Variants in MTFR1L observed in about 807,000 individuals in gnomAD.
MTFR1L encodes the protein mitochondrial fission regulator 1-like.
In MTFR1L, 10 loss-of-function variants were observed where a neutral mutation model predicts 27.9. That is an observed-to-expected ratio of 0.36 (90% CI 0.22 to 0.61). The LOEUF (loss-of-function observed/expected upper bound fraction) is 0.61. MTFR1L is among the 20% of genes least tolerant of loss of function. The pLI is 0.73. For synonymous variants in MTFR1L, 151 were observed against 139.4 expected (o/e 1.08, Z -0.58); for missense variants, 315 against 363.7 (o/e 0.87, Z 1.09).
At position 25,823,754 on chromosome 1, in the gene MTFR1L, T is replaced by A; in HGVS notation, c.129+6T>A. The A allele has an allele frequency of 6.2e-7, 1 of 1,613,128 alleles. No homozygotes were observed. Among genetic ancestry groups the A allele is most frequent in the East Asian group, 2.2e-5 (1 of 44,854 alleles). ...GTGCCCGGGCGTCCTTTGAGGTGAGTATGTTGGAAGGGCAGGAGAGTAGAG... is the reference window on the plus strand; with the variant it reads ...GTGCCCGGGCGTCCTTTGAGGTGAGAATGTTGGAAGGGCAGGAGAGTAGAG... On this transcript the variant is annotated splice_donor_region_variant and intron_variant, in intron 3 of 6. Transcript: ENST00000374303.
At chr1:25,828,937 G>A (rs1011164955) in intron 5 of MTFR1L, among the ~76,000 whole-genome samples, 9 of 152,120 alleles carry the variant, frequency 5.9e-5, no homozygotes, top group Non-Finnish European at 1.0e-4. Flanking sequence ...CAAGAGACAA[G>A]CAGAAGTAAC....
In MTFR1L at chr1:25,831,924, C is replaced by A; in HGVS notation, c.777C>A (p.Asn259Lys). The A allele has an allele frequency of 6.2e-7, 1 of 1,613,754 alleles. No homozygotes were observed. Among genetic ancestry groups the A allele is most frequent in the Non-Finnish European group, 8.5e-7 (1 of 1,179,710 alleles). ...FHRMKQSQDLNRSLLKEEDPA... is the reference protein window; with the variant it reads ...FHRMKQSQDLKRSLLKEEDPA... ...CAAGCTATTATTGTGTCTCTAGGAACCGGAGTTTATTGAAGGAGGAAGACC... is the reference window on the plus strand; with the variant it reads ...CAAGCTATTATTGTGTCTCTAGGAAACGGAGTTTATTGAAGGAGGAAGACC... Residue 259 changes from asparagine to lysine, a missense_variant, in exon 7 of 7, where the codon AAC (asparagine) becomes AAA (lysine). Coordinates refer to ENST00000374303, the MANE Select transcript of MTFR1L (RefSeq NM_001099625.2).
At chr1:25,829,214 C>G (rs1462001123) in intron 5 of MTFR1L, among the ~76,000 whole-genome samples, 1 of 152,200 alleles carries the variant, frequency 6.6e-6, no homozygotes, top group Non-Finnish European at 1.5e-5. Flanking sequence ...AGGGCTGTCA[C>G]TCCACAGCCT....
At chr1:25,831,523 C>T (rs927082943) in intron 6 of MTFR1L, among the ~76,000 whole-genome samples, 17 of 152,354 alleles carry the variant, frequency 1.1e-4, no homozygotes, top group Non-Finnish European at 2.1e-4. Context: ...TCAGTCACTT[C>T]CCCTGCTGAC....
At chr1:25,821,931 A>G (rs2048098736) in intron 1 of MTFR1L, 1 of 152,240 alleles carries the variant, frequency 6.6e-6, no homozygotes, top group African/African-American at 2.4e-5. Context: ...CATAGCCCCT[A>G]CGGTGCCCAG....
intron 1 of MTFR1L, 124 bp from the exon 2 acceptor site, chr1:25,822,895 G>A (rs145195575): frequency 1.4e-6 from 1 of 730,114 alleles, no homozygotes; most frequent in Non-Finnish European, 2.3e-6. Flanking sequence ...AGCCTCTTGG[G>A]CTGGTTTTCT....
At chr1:25,823,619 A>G (rs868752709) in intron 2 of MTFR1L, 25 bp from the exon 3 acceptor site, 10 of 1,611,070 alleles carry the variant, frequency 6.2e-6, no homozygotes, top group Non-Finnish European at 8.5e-6. Context: ...CTGGGGTTGT[A>G]GCTGTCTCCG....
chr1:25,829,384 C>A, intron 5 of MTFR1L, 125 bp from the exon 6 acceptor site: 2 of 851,264 alleles, frequency 2.3e-6, no homozygotes, highest in Non-Finnish European at 3.7e-6. Flanking sequence ...ACCATCCTGG[C>A]TCTCCCAGAT....
rs1191747505 is a variant in MTFR1L at position 25,823,404 on chromosome 1, T to C, written c.25-240T>C. 3 of 735,126 alleles carry C rather than the reference T, an allele frequency of 4.1e-6. No homozygotes were observed. In the Admixed American group the frequency reaches 6.0e-5, roughly 15 times the overall value. The allele number at this position is 735,126 out of a possible 1,614,324, so 45.5% of individuals were successfully genotyped here. ...CTCAGCTACTTCCTCTCCCCTTCCC[T>C]GACCCTCCCAACATTGACTGCCTTA... is the stretch of plus-strand genomic sequence containing the variant. On this transcript the variant is annotated intron_variant, in intron 2 of 6. Transcript: ENST00000374303.
chr1:25,826,534 C>T lies in MTFR1L; in HGVS notation c.240-81C>T. 1 of 1,585,600 alleles carries T rather than the reference C, an allele frequency of 6.3e-7. No individual in the cohort carries two copies. The highest frequency in any genetic ancestry group is 1.1e-5 in the South Asian group (1 of 89,958). On this transcript the variant is annotated intron_variant, in intron 4 of 6. Coordinates refer to ENST00000374303, the MANE Select transcript of MTFR1L (RefSeq NM_001099625.2). The surrounding 1 kb of genome is among the most constrained non-coding windows in gnomAD (Gnocchi z 4.1). Reference sequence around the variant, plus strand: ...AGGAGCAGAACCTTACTATACTACTCTCACAGAAGTGGGGGAAGGAACCTT... The same window carrying T: ...AGGAGCAGAACCTTACTATACTACTTTCACAGAAGTGGGGGAAGGAACCTT...
chr1:25,824,338 AC>A (rs2048140161), intron 3 of MTFR1L, among the ~76,000 whole-genome samples: 1 of 151,814 alleles, frequency 6.6e-6, no homozygotes, highest in African/African-American at 2.4e-5. Context: ...GTCTCTTGAG[AC>A]CCCTTCTGTG....
chr1:25,829,040 T>TG (rs1415580571), intron 5 of MTFR1L, among the ~76,000 whole-genome samples: 2 of 152,186 alleles, frequency 1.3e-5, no homozygotes, highest in Non-Finnish European at 1.5e-5. Flanking sequence ...CACTGAAATT[T>TG]GGGGAGGTTG....
At chr1:25,829,962 T>C in intron 6 of MTFR1L, 132 bp downstream of exon 6, 3 of 969,654 alleles carry the variant, frequency 3.1e-6, no homozygotes, top group Non-Finnish European at 4.4e-6. Context: ...GCTTGCTGAC[T>C]ACCTGCTTGC....
chr1:25,822,253 T>G (rs2048103349), intron 1 of MTFR1L: 1 of 152,290 alleles, frequency 6.6e-6, no homozygotes, highest in Non-Finnish European at 1.5e-5. Context: ...TAAACTTTTT[T>G]GGCTCTTTTT....
rs2048143695 is a variant in MTFR1L, at chr1:25,824,533, C to A, written c.129+785C>A. On this transcript the variant is annotated intron_variant, in intron 3 of 6. Transcript: ENST00000374303. ...ATATGTGCATGAAAGGATGTGGGCC[C>A]AGGTAGAAACAGAAATGAAGGAGCC... 2.0e-5 allele frequency among the ~76,000 whole-genome samples: 3 copies of A among 152,042 alleles called. No individual in the cohort carries two copies. The South Asian group carries it at 6.2e-4, about 32-fold the overall frequency.
intron 5 of MTFR1L, among the ~76,000 whole-genome samples, chr1:25,827,900 T>C (rs1389818982): frequency 6.6e-6 from 1 of 152,074 alleles, no homozygotes; most frequent in East Asian, 1.9e-4. Context: ...TAATTTTTTG[T>C]ATTTTTAGTA....
At chr1:25,820,554 CA>C (rs1457489752) in intron 1 of MTFR1L, 1 of 360,332 alleles carries the variant, frequency 2.8e-6, no homozygotes. Flanking sequence ...CCCCCGGGAC[CA>C]GGGGTGCTGA....
intron 5 of MTFR1L, 25 bp from the exon 6 acceptor site, chr1:25,829,484 C>G (rs756539077): frequency 1.2e-6 from 2 of 1,600,258 alleles, no homozygotes; most frequent in East Asian, 4.5e-5. Context: ...CAATGTCCAC[C>G]CATGCCTATT....
rs779451338 is a variant in MTFR1L at position 25,820,504 on chromosome 1, C to T, written c.-87+475C>T. The stretch of plus-strand genomic sequence containing the variant: ...GCGCGGGTCTCCGGCCACTGCTGCG[C>T]GCGGCAAAGTTTCACTGAGCGCGGC... On this transcript the variant is annotated intron_variant, in intron 1 of 6. Coordinates refer to ENST00000374303, the MANE Select transcript of MTFR1L (RefSeq NM_001099625.2). The T allele has an allele frequency of 6.7e-5, 24 of 359,162 alleles. No homozygotes were observed. In the Middle Eastern group the frequency reaches 3.6e-3, roughly 53 times the overall value. 22.2% of individuals were successfully genotyped at this position (359,162 alleles called of 1,614,324 possible). A position where few individuals can be genotyped will look rare whatever the true frequency, so the allele number is the denominator to read the frequency against.
Sources: gnomAD v4.1 joint callset for allele counts (sites outside exome capture counted in the v4.1 genomes callset) on GRCh38, gnomAD v4.1.1 for gene constraint, Gnocchi (gnomAD v3.1) non-coding constraint, MANE v1.5 for transcripts, NCBI Gene and HGNC (gene_info 2026-07-23, HGNC 2026-07-21) for gene names.